Variants in GOLGA8B observed in about 807,000 individuals in gnomAD.
GOLGA8B encodes golgin subfamily A member 8B.
In GOLGA8B, 1 loss-of-function variant was observed where a neutral mutation model predicts 15.6. The ratio of observed to expected loss-of-function variants is 0.06; its 90% CI spans 0.02 to 0.30. The LOEUF (loss-of-function observed/expected upper bound fraction) is 0.30, where lower values mean the gene tolerates loss of function less well. Among genes scored for constraint, GOLGA8B ranks in the 10% least tolerant of loss-of-function variants. GOLGA8B has a pLI of 1.00. For missense variants in GOLGA8B, 17 were observed against 201.3 expected, an observed-to-expected ratio of 0.08 and a Z score of 5.54; for synonymous variants, 9 against 80.3, an observed-to-expected ratio of 0.11 and a Z score of 4.75.
chr15:34,571,123 C>G (rs971803348), intron 1 of GOLGA8B, among the ~76,000 whole-genome samples: 12 of 150,560 alleles, frequency 8.0e-5, no homozygotes, highest in African/African-American at 2.9e-4. Context: ...CTCAGCAGTT[C>G]AAGACCAGCC....
intron 1 of GOLGA8B, among the ~76,000 whole-genome samples, chr15:34,564,505 G>C (rs2092094939): frequency 6.8e-6 from 1 of 146,156 alleles, no homozygotes. Context: ...AAATTTAGTA[G>C]AGCAAATTCC....
chr15:34,577,709 C>G (rs1404302939), intron 1 of GOLGA8B, among the ~76,000 whole-genome samples: 2 of 152,292 alleles, frequency 1.3e-5, no homozygotes, highest in East Asian at 1.9e-4. Context: ...AGGCTGCAAA[C>G]CTAGGCAGCA....
chr15:34,578,142 G>T (rs1319972771), intron 1 of GOLGA8B, among the ~76,000 whole-genome samples: 1 of 152,152 alleles, frequency 6.6e-6, no homozygotes, highest in African/African-American at 2.4e-5. Flanking sequence ...AACTGTCTTT[G>T]CCTGAGAGTT....
intron 1 of GOLGA8B, among the ~76,000 whole-genome samples, chr15:34,567,300 CACA>C (rs372471836): frequency 0.076 from 11,021 of 144,660 alleles, no homozygotes; most frequent in South Asian, 0.19. Context: ...AAGCCAACAG[CACA>C]ACAACTCTGC....
intron 1 of GOLGA8B, among the ~76,000 whole-genome samples, chr15:34,582,500 C>G (rs1450640987): frequency 6.6e-6 from 1 of 152,260 alleles, no homozygotes; most frequent in Non-Finnish European, 1.5e-5. Context: ...GGCGCTTCAT[C>G]CACCGCATGC....
chr15:34,579,030 G>A (rs113550078), intron 1 of GOLGA8B, among the ~76,000 whole-genome samples: 207 of 152,120 alleles, frequency 1.4e-3, no homozygotes, highest in African/African-American at 4.2e-3. Flanking sequence ...AAAATATCTC[G>A]CATCAGTTCA....
intron 1 of GOLGA8B, chr15:34,566,084 G>C (rs1888751118): frequency 1.6e-5 from 2 of 122,488 alleles, no homozygotes; most frequent in South Asian, 2.6e-4. Context: ...AAAGAAGCCA[G>C]TTGGAAAAAG....
At chr15:34,568,869 C>G (rs868480762) in intron 1 of GOLGA8B, among the ~76,000 whole-genome samples, 3,499 of 131,944 alleles carry the variant, frequency 0.027, 237 homozygotes, top group African/African-American at 0.11. Context: ...GCCCCAGAGT[C>G]AGAAGGGGGT....
intron 1 of GOLGA8B, among the ~76,000 whole-genome samples, chr15:34,579,062 T>G (rs1436569892): frequency 6.6e-6 from 1 of 151,830 alleles, no homozygotes; most frequent in Non-Finnish European, 1.5e-5. Context: ...CGTCTGTGCC[T>G]CAAAACAACC....
At position 34,556,680 on chromosome 15, in the gene GOLGA8B, T is replaced by A. The variant is rs1209262465; in HGVS notation, c.-1122-2724A>T. 8 of 1,185,808 alleles carry A rather than the reference T, an allele frequency of 6.7e-6. 1 individual carries two copies. The highest frequency in any genetic ancestry group is 9.7e-6 in the Non-Finnish European group (8 of 824,538). 73.5% of individuals were successfully genotyped at this position (1,185,808 alleles called of 1,614,324 possible). A position where few individuals can be genotyped will look rare whatever the true frequency, so the allele number is the denominator to read the frequency against. ...GGGCTGCCCACCCATCAAGGCCAGC[T>A]GCAGCCCCAGCAGGCAAGAGGCGAG... On this transcript the variant is annotated intron_variant, in intron 1 of 23. Transcript: ENST00000683415.
At chr15:34,571,727 G>A (rs534234874) in intron 1 of GOLGA8B, among the ~76,000 whole-genome samples, 1 of 152,194 alleles carries the variant, frequency 6.6e-6, no homozygotes, top group Non-Finnish European at 1.5e-5. Flanking sequence ...AGCAGAATAT[G>A]CAGGAGGGTG....
intron 1 of GOLGA8B, among the ~76,000 whole-genome samples, chr15:34,572,144 C>T (rs1301546722): frequency 6.6e-6 from 1 of 152,232 alleles, no homozygotes; most frequent in Non-Finnish European, 1.5e-5. Context: ...AACACAAAGA[C>T]TGATCATGTC....
chr15:34,582,215 A>G (rs1394980078), intron 1 of GOLGA8B, among the ~76,000 whole-genome samples: 1 of 151,994 alleles, frequency 6.6e-6, no homozygotes, highest in Non-Finnish European at 1.5e-5. Flanking sequence ...GAGGGGAGAA[A>G]CCCCTGCCTC....
chr15:34,583,247 T>C (rs1176019394), intron 1 of GOLGA8B, among the ~76,000 whole-genome samples: 5 of 151,398 alleles, frequency 3.3e-5, no homozygotes, highest in Non-Finnish European at 5.9e-5. Context: ...CCTCCCGGGA[T>C]GCGAGAGTAT....
chr15:34,582,847 G>A (rs1485631423), intron 1 of GOLGA8B: 1 of 152,202 alleles, frequency 6.6e-6, no homozygotes, highest in East Asian at 1.9e-4. Context: ...CAGCAGCCTT[G>A]CCAGGCAGTG....
intron 1 of GOLGA8B, among the ~76,000 whole-genome samples, chr15:34,562,618 CTTAT>C (rs931041240): frequency 4.5e-5 from 6 of 134,120 alleles, no homozygotes; most frequent in Non-Finnish European, 1.0e-4. Flanking sequence ...TTATTTTGGT[CTTAT>C]TTTTCTTTCA....
chr15:34,568,807 T>C (rs62014588), intron 1 of GOLGA8B, among the ~76,000 whole-genome samples: 21,883 of 81,938 alleles, frequency 0.27, 1,860 homozygotes, highest in Admixed American at 0.31. Context: ...CTGGGAAGCA[T>C]GTGACTGATT....
chr15:34,578,656 T>C (rs1198622329), intron 1 of GOLGA8B, among the ~76,000 whole-genome samples: 2 of 152,166 alleles, frequency 1.3e-5, no homozygotes, highest in Non-Finnish European at 2.9e-5. Flanking sequence ...TTATTTAAAA[T>C]GACAAACAAA....
chr15:34,581,453 C>G (rs2140359080), intron 1 of GOLGA8B: 1 of 152,366 alleles, frequency 6.6e-6, no homozygotes, highest in East Asian at 1.9e-4. Flanking sequence ...TGATCAGTGT[C>G]TTTTACAATT....
Sources: allele counts gnomAD v4.1 joint callset (sites outside exome capture counted in the v4.1 genomes callset), GRCh38; gene constraint gnomAD v4.1.1; transcripts MANE v1.5; gene names NCBI Gene and HGNC (gene_info 2026-07-23, HGNC 2026-07-21).